The following OR56A3 variants were observed in gnomAD, a reference collection of about 807,000 sequenced individuals.
OR56A3 encodes olfactory receptor family 56 subfamily A member 3, also known as olfactory receptor 56A3.
A neutral mutation model predicts 17.5 loss-of-function variants in OR56A3; 23 were observed. The observed-to-expected ratio is 1.32, with a 90% CI of 0.95 to 1.87. The LOEUF (loss-of-function observed/expected upper bound fraction) is 1.87. Among genes scored for constraint, OR56A3 ranks in the 40% most tolerant of loss-of-function variants. The probability of loss-of-function intolerance (pLI) is 0.00; values close to 1 mark genes in which losing one functional copy is unlikely to be tolerated. For missense variants in OR56A3, 366 were observed against 380.1 expected, an observed-to-expected ratio of 0.96 and a Z score of 0.31; for synonymous variants, 175 against 150.6, an observed-to-expected ratio of 1.16 and a Z score of -1.19.
At chr11:5,980,074 T>C in the OR56A3 span, among the ~76,000 whole-genome samples, 1 of 152,148 alleles carries the variant, frequency 6.6e-6, no homozygotes, top group Admixed American at 6.5e-5. Context: ...TTCAATTTTG[T>C]TTAATTTATT....
chr11:6,000,808 G>A, the OR56A3 span: 7 of 152,104 alleles, frequency 4.6e-5, no homozygotes, highest in Admixed American at 6.6e-5. Context: ...AAGATAAGTC[G>A]AAAGTATGTT....
At chr11:6,012,102 G>T in the OR56A3 span, among the ~76,000 whole-genome samples, 8 of 152,332 alleles carry the variant, frequency 5.3e-5, no homozygotes, top group East Asian at 1.5e-3. Flanking sequence ...GCATGTTTCA[G>T]CCCTATTTCT....
chr11:5,969,380 T>G, the OR56A3 span, among the ~76,000 whole-genome samples: 1 of 152,364 alleles, frequency 6.6e-6, no homozygotes, highest in African/African-American at 2.4e-5. Flanking sequence ...CCTCTCTAAC[T>G]GCTTCATAAA....
downstream of OR56A3, among the ~76,000 whole-genome samples, chr11:5,952,625 T>C (rs879936163): frequency 6.6e-6 from 1 of 151,714 alleles, no homozygotes; most frequent in Non-Finnish European, 1.5e-5. Flanking sequence ...CCTATGTATA[T>C]ATTCTAGTGA....
the OR56A3 span, among the ~76,000 whole-genome samples, chr11:5,979,300 C>T: frequency 3.1e-3 from 475 of 152,012 alleles, 3 homozygotes; most frequent in African/African-American, 0.011. Context: ...TTGGCACCAG[C>T]GCTTCTTTAC....
At chr11:5,976,952 A>G in the OR56A3 span, among the ~76,000 whole-genome samples, 1 of 152,148 alleles carries the variant, frequency 6.6e-6, no homozygotes, top group Non-Finnish European at 1.5e-5. Context: ...CCTGCTTGTA[A>G]GACAGAATAT....
the OR56A3 span, among the ~76,000 whole-genome samples, chr11:5,989,425 G>T: frequency 9.8e-6 from 1 of 101,594 alleles, no homozygotes; most frequent in Non-Finnish European, 2.2e-5. Context: ...AGTAAATAAA[G>T]TAAATAAAGT....
the OR56A3 span, among the ~76,000 whole-genome samples, chr11:6,015,982 G>T: frequency 6.6e-6 from 1 of 152,138 alleles, no homozygotes; most frequent in South Asian, 2.1e-4. Context: ...GGGATGGAAT[G>T]CTATGGTGTG....
chr11:5,981,393 G>A, the OR56A3 span, among the ~76,000 whole-genome samples: 103 of 152,218 alleles, frequency 6.8e-4, no homozygotes, highest in African/African-American at 2.3e-3. Flanking sequence ...TTGTTTGAAT[G>A]AATTGATTCA....
At chr11:5,960,465 T>G in the OR56A3 span, among the ~76,000 whole-genome samples, 1 of 152,238 alleles carries the variant, frequency 6.6e-6, no homozygotes, top group Non-Finnish European at 1.5e-5. Context: ...TTCGCCCTGT[T>G]GGCCGGGCTG....
At chr11:5,960,503 T>C in the OR56A3 span, among the ~76,000 whole-genome samples, 1 of 152,242 alleles carries the variant, frequency 6.6e-6, no homozygotes, top group African/African-American at 2.4e-5. Flanking sequence ...GCGAGTGGTC[T>C]GCCAGCCTCG....
chr11:5,958,932 T>A, the OR56A3 span, among the ~76,000 whole-genome samples: 2 of 152,212 alleles, frequency 1.3e-5, no homozygotes, highest in Non-Finnish European at 2.9e-5. Flanking sequence ...CCTTCCAGGC[T>A]CATACATGTT....
intron 2 of OR56A3, 31 bp from the exon 3 acceptor site, chr11:5,947,280 C>A (rs1847875442): frequency 2.9e-6 from 4 of 1,362,544 alleles, no homozygotes; most frequent in Non-Finnish European, 4.0e-6. Flanking sequence ...TATCAAGAAT[C>A]CACAGCTAGT....
At chr11:6,000,174 T>C in the OR56A3 span, 1 of 152,326 alleles carries the variant, frequency 6.6e-6, no homozygotes, top group East Asian at 1.9e-4. Flanking sequence ...GTATGTTTAT[T>C]GCGGCACCAT....
the OR56A3 span, among the ~76,000 whole-genome samples, chr11:6,012,506 C>T: frequency 6.6e-6 from 1 of 152,042 alleles, no homozygotes; most frequent in Non-Finnish European, 1.5e-5. Context: ...TGTGGCTCCT[C>T]TCTGCAGGCA....
At chr11:5,979,501 G>T in the OR56A3 span, among the ~76,000 whole-genome samples, 4 of 152,006 alleles carry the variant, frequency 2.6e-5, no homozygotes, top group African/African-American at 9.7e-5. Context: ...TATCATTTGT[G>T]TCTGTAGAGA....
Position 5,950,731 on chromosome 11 carries a change from A to G in OR56A3, c.*2437A>G, listed in dbSNP as rs1847902722. 1 of 152,162 alleles carries G rather than the reference A, an allele frequency of 6.6e-6. No homozygotes were observed. The highest frequency in any genetic ancestry group is 1.5e-5 in the Non-Finnish European group (1 of 67,998). 9.4% of individuals were successfully genotyped at this position (152,162 alleles called of 1,614,324 possible). A position where few individuals can be genotyped will look rare whatever the true frequency, so the allele number is the denominator to read the frequency against. On this transcript the variant is annotated 3_prime_UTR_variant, in exon 3 of 3. Transcript: ENST00000641160. ...GATAATCATTAATGTGATATTGCAC[A>G]TTCCTTTTCTGTACTAAGTCTTTGA... is the stretch of plus-strand genomic sequence containing the variant.
chr11:5,962,711 T>C, the OR56A3 span, among the ~76,000 whole-genome samples: 1 of 152,080 alleles, frequency 6.6e-6, no homozygotes. Flanking sequence ...GCTAATTTTT[T>C]GTATTTTTAG....
chr11:6,021,205 C>T, the OR56A3 span: 5 of 151,960 alleles, frequency 3.3e-5, no homozygotes, highest in South Asian at 2.1e-4. Flanking sequence ...ATTAGGCCTT[C>T]GAGGGGGTTT....
Sources: allele counts gnomAD v4.1 joint callset (sites outside exome capture counted in the v4.1 genomes callset), GRCh38; gene constraint gnomAD v4.1.1; transcripts MANE v1.5; gene names NCBI Gene and HGNC (gene_info 2026-07-23, HGNC 2026-07-21).